GRM8: variants seen among roughly 807,000 people sequenced by gnomAD.
GRM8 encodes metabotropic glutamate receptor 8.
Under a neutral mutation model 87.2 loss-of-function variants are expected in GRM8, and 47 were observed. The ratio of observed to expected loss-of-function variants is 0.54; its 90% CI spans 0.43 to 0.69. The LOEUF (loss-of-function observed/expected upper bound fraction) is 0.69, where lower values mean the gene tolerates loss of function less well. Among genes scored for constraint, GRM8 ranks in the 30% least tolerant of loss-of-function variants. The probability of loss-of-function intolerance (pLI) is 0.00; values close to 1 mark genes in which losing one functional copy is unlikely to be tolerated. For synonymous variants in GRM8, 396 were observed against 404.5 expected (o/e 0.98, Z 0.25); for missense variants, 1,019 against 1,139.2 (o/e 0.89, Z 1.52).
intron 7 of GRM8, among the ~76,000 whole-genome samples, chr7:126,658,521 C>T (rs141709221): frequency 8.5e-4 from 130 of 152,068 alleles, no homozygotes; most frequent in African/African-American, 3.0e-3. Context: ...AAATGTGAGG[C>T]ACATGTATCA....
chr7:126,891,621 A>C (rs13311523), intron 6 of GRM8, among the ~76,000 whole-genome samples: 1 of 151,952 alleles, frequency 6.6e-6, no homozygotes, highest in Admixed American at 6.6e-5. Flanking sequence ...TAAAATAATA[A>C]TACTACTGAT....
At chr7:126,462,350 G>A (rs1423438432) in intron 9 of GRM8, among the ~76,000 whole-genome samples, 2 of 151,474 alleles carry the variant, frequency 1.3e-5, no homozygotes, top group South Asian at 2.1e-4. Context: ...TATTCAAAAT[G>A]AATCTTTATT....
chr7:126,772,471 G>A lies in GRM8; in HGVS notation c.1157-2406C>T, dbSNP rs555766139. ...TCTCAGCACCACCCCAGACTTGCTG[G>A]GTCAGAATCTCCCTACTTGGGACAT... is the stretch of plus-strand genomic sequence containing the variant. On this transcript the variant is annotated intron_variant, in intron 6 of 10. Coordinates refer to ENST00000339582, the MANE Select transcript of GRM8 (RefSeq NM_000845.3). Among the ~76,000 whole-genome samples the A allele has an allele frequency of 2.1e-4, 32 of 152,072 alleles. 1 individual carries two copies. The South Asian group carries it at 3.5e-3, about 17-fold the overall frequency.
chr7:126,614,213 G>C (rs935782314), intron 7 of GRM8, among the ~76,000 whole-genome samples: 2 of 152,134 alleles, frequency 1.3e-5, no homozygotes, highest in African/African-American at 4.8e-5. Flanking sequence ...ATCGTTTGCT[G>C]TTCAGCAATA....
chr7:126,621,516 T>C (rs1010686306), intron 7 of GRM8, among the ~76,000 whole-genome samples: 2 of 152,154 alleles, frequency 1.3e-5, no homozygotes, highest in Non-Finnish European at 2.9e-5. Flanking sequence ...CCTCCCAGGT[T>C]CAAGTGATTC....
intron 3 of GRM8, among the ~76,000 whole-genome samples, chr7:126,911,015 T>G (rs1437118722): frequency 1.3e-5 from 2 of 152,170 alleles, no homozygotes; most frequent in Admixed American, 6.5e-5. Context: ...AAGGGTAAAT[T>G]CCTATGCCAA....
At chr7:126,786,573 T>C (rs1820647581) in intron 6 of GRM8, among the ~76,000 whole-genome samples, 1 of 152,156 alleles carries the variant, frequency 6.6e-6, no homozygotes, top group Non-Finnish European at 1.5e-5. Context: ...ATTCCTGCAG[T>C]GAGGGGTCAT....
At chr7:126,725,692 T>C (rs898819892) in intron 7 of GRM8, among the ~76,000 whole-genome samples, 3 of 152,052 alleles carry the variant, frequency 2.0e-5, no homozygotes, top group Non-Finnish European at 4.4e-5. Flanking sequence ...AGAAAAGGGG[T>C]TTCATTGGCT....
intron 3 of GRM8, among the ~76,000 whole-genome samples, chr7:127,093,267 C>A (rs1824332712): frequency 6.6e-6 from 1 of 152,132 alleles, no homozygotes; most frequent in Non-Finnish European, 1.5e-5. Flanking sequence ...GGACTGGAAG[C>A]AGGTCTGACT....
Position 126,721,344 on chromosome 7 carries a change from T to C in GRM8, c.1357+48521A>G, listed in dbSNP as rs148518256. The stretch of plus-strand genomic sequence containing the variant: ...ATCACTAAAGCACTGCTTTCCCCTT[T>C]GAGCTTTTTAAAGAATGAATATAAT... On this transcript the variant is annotated intron_variant, in intron 7 of 10. Transcript: ENST00000339582. 4.2e-3 allele frequency among the ~76,000 whole-genome samples: 641 copies of C among 152,276 alleles called. 8 individuals are homozygous for C. The highest frequency in any genetic ancestry group is 0.036 in the South Asian group (174 of 4,824).
Position 127,191,082 on chromosome 7 carries a change from T to C in GRM8, c.510+51613A>G, listed in dbSNP as rs573864533. The stretch of plus-strand genomic sequence containing the variant: ...AATTATTTCAGTATTTTAAATTTAA[T>C]ACTCTCATTTAACAGGTTTGACAAA... On this transcript the variant is annotated intron_variant, in intron 2 of 10. Coordinates refer to ENST00000339582, the MANE Select transcript of GRM8 (RefSeq NM_000845.3). 3.3e-5 allele frequency among the ~76,000 whole-genome samples: 5 copies of C among 152,332 alleles called. No homozygotes were observed. The South Asian group carries it at 1.0e-3, about 32-fold the overall frequency.
chr7:126,719,323 AAC>A (rs1812114966), intron 7 of GRM8, among the ~76,000 whole-genome samples: 1 of 152,248 alleles, frequency 6.6e-6, no homozygotes, highest in East Asian at 1.9e-4. Context: ...AGTTGTTATT[AAC>A]ACAAACATAG....
At chr7:126,857,848 C>T (rs930413182) in intron 6 of GRM8, among the ~76,000 whole-genome samples, 1 of 152,108 alleles carries the variant, frequency 6.6e-6, no homozygotes, top group African/African-American at 2.4e-5. Context: ...ACTTAGGAGG[C>T]TGAGGTGGGA....
At chr7:126,629,198 C>T (rs1261873125) in intron 7 of GRM8, among the ~76,000 whole-genome samples, 1 of 152,098 alleles carries the variant, frequency 6.6e-6, no homozygotes, top group African/African-American at 2.4e-5. Flanking sequence ...TTGCCTTTAC[C>T]CAATTCTCTA....
intron 7 of GRM8, among the ~76,000 whole-genome samples, chr7:126,627,351 G>C (rs1800808292): frequency 6.6e-6 from 1 of 152,190 alleles, no homozygotes; most frequent in Non-Finnish European, 1.5e-5. Context: ...CAAGGCACAG[G>C]ACAGTGTCCT....
intron 8 of GRM8, among the ~76,000 whole-genome samples, chr7:126,539,425 C>T (rs1371804895): frequency 6.6e-6 from 1 of 151,964 alleles, no homozygotes; most frequent in Non-Finnish European, 1.5e-5. Context: ...GGCTCCTTCA[C>T]TGAAATTGAT....
intron 3 of GRM8, among the ~76,000 whole-genome samples, chr7:127,069,449 C>A (rs1394751276): frequency 6.6e-6 from 1 of 152,082 alleles, no homozygotes; most frequent in Non-Finnish European, 1.5e-5. Flanking sequence ...CAGGCATAAG[C>A]CACTGTGCCT....
At chr7:127,112,883 A>G (rs1378432888) in intron 2 of GRM8, among the ~76,000 whole-genome samples, 1 of 152,250 alleles carries the variant, frequency 6.6e-6, no homozygotes, top group East Asian at 1.9e-4. Flanking sequence ...ATTAAAGAAT[A>G]AAAATTACAT....
At chr7:127,238,292 C>T (rs563871879) in intron 2 of GRM8, among the ~76,000 whole-genome samples, 22 of 146,824 alleles carry the variant, frequency 1.5e-4, no homozygotes, top group African/African-American at 3.6e-4. Context: ...AGCTGATATA[C>T]GATGTGTGTG....
Sources: allele counts gnomAD v4.1 joint callset (sites outside exome capture counted in the v4.1 genomes callset), GRCh38; gene constraint gnomAD v4.1.1; transcripts MANE v1.5; gene names NCBI Gene and HGNC (gene_info 2026-07-23, HGNC 2026-07-21).